SLC35F4: variants seen among roughly 807,000 people sequenced by gnomAD.
The protein encoded by SLC35F4 is solute carrier family 35 member F4.
In SLC35F4, 24 loss-of-function variants were observed where a neutral mutation model predicts 44.2. The ratio of observed to expected loss-of-function variants is 0.54; its 90% CI spans 0.39 to 0.76. SLC35F4 has a LOEUF of 0.76. Among genes scored for constraint, SLC35F4 ranks in the 30% least tolerant of loss-of-function variants. The pLI is 0.00. For missense variants in SLC35F4, 562 were observed against 586.1 expected (o/e 0.96, Z 0.42); for synonymous variants, 238 against 223.6 (o/e 1.06, Z -0.57).
intron 1 of SLC35F4, among the ~76,000 whole-genome samples, chr14:57,905,060 G>T (rs1889080790): frequency 6.6e-6 from 1 of 152,160 alleles, no homozygotes; most frequent in African/African-American, 2.4e-5. Flanking sequence ...AAAAATTTGG[G>T]CGTGTCTTTG....
chr14:57,728,413 A>G (rs1274233906), intron 1 of SLC35F4, among the ~76,000 whole-genome samples: 2 of 109,800 alleles, frequency 1.8e-5, no homozygotes, highest in Non-Finnish European at 3.9e-5. Context: ...TGTACCTTCC[A>G]TTGATTTTTC....
Position 57,758,000 on chromosome 14 carries a change from CATGT to C in SLC35F4, c.103+107719_103+107722del, listed in dbSNP as rs1213353110. 1.1e-3 allele frequency among the ~76,000 whole-genome samples: 109 copies of C among 96,006 alleles called. 1 individual carries two copies. Among genetic ancestry groups the C allele is most frequent in the African/African-American group, 3.7e-3 (99 of 26,722 alleles). The allele number at this position is 96,006 out of a possible 152,430, so 63.0% of individuals were successfully genotyped here. Reference sequence around the variant, plus strand: ...TTTTCTGGGTATAGGATTATAGGTTCATGTGTGTGTGTGTGTGTGTGTGTGTGTG... The same window carrying C: ...TTTTCTGGGTATAGGATTATAGGTTCGTGTGTGTGTGTGTGTGTGTGTGTG... On this transcript the variant is annotated intron_variant, in intron 1 of 7. Transcript: ENST00000556826.
At chr14:57,795,812 T>C (rs967911901) in intron 1 of SLC35F4, among the ~76,000 whole-genome samples, 15 of 152,138 alleles carry the variant, frequency 9.9e-5, no homozygotes, top group Admixed American at 9.8e-4. Context: ...CCAACCTTTA[T>C]ATTAGGTTTG....
intron 1 of SLC35F4, among the ~76,000 whole-genome samples, chr14:57,835,533 A>G (rs1884830224): frequency 6.6e-6 from 1 of 152,190 alleles, no homozygotes; most frequent in African/African-American, 2.4e-5. Context: ...TCTCATTGTC[A>G]GCAGAACAAT....
intron 1 of SLC35F4, among the ~76,000 whole-genome samples, chr14:57,773,025 T>A (rs948478428): frequency 6.6e-6 from 1 of 152,228 alleles, no homozygotes; most frequent in Admixed American, 6.5e-5. Context: ...CTGTTGTTTT[T>A]TTTGACATTT....
intron 1 of SLC35F4, among the ~76,000 whole-genome samples, chr14:57,915,068 C>T (rs780540727): frequency 6.6e-6 from 1 of 152,068 alleles, no homozygotes; most frequent in Non-Finnish European, 1.5e-5. Flanking sequence ...CACATAGATG[C>T]TGCCAAGGCT....
intron 1 of SLC35F4, among the ~76,000 whole-genome samples, chr14:57,809,169 C>A (rs1881687518): frequency 6.6e-6 from 1 of 152,166 alleles, no homozygotes; most frequent in Non-Finnish European, 1.5e-5. Flanking sequence ...TTCAGTTTCA[C>A]CTAAGCAATA....
rs565588777 is a variant in SLC35F4, at chr14:57,759,889, T to TG, written c.103+105833_103+105834insC. 1.5e-4 allele frequency among the ~76,000 whole-genome samples: 23 copies of TG among 152,026 alleles called. No individual in the cohort carries two copies. The South Asian group carries it at 4.6e-3, about 30-fold the overall frequency. On this transcript the variant is annotated intron_variant, in intron 1 of 7. Coordinates refer to ENST00000556826, the MANE Select transcript of SLC35F4 (RefSeq NM_001306087.2). ...TGCTCTTTCTTTGCTTGTTTTTTTT[T>TG]TTTGTTTGCTTTTTGCTATCGAGTT...
intron 1 of SLC35F4, among the ~76,000 whole-genome samples, chr14:57,856,704 T>G (rs1887136036): frequency 6.6e-6 from 1 of 152,048 alleles, no homozygotes; most frequent in Admixed American, 6.5e-5. Context: ...TACTTATTTG[T>G]TACTGTTTAC....
intron 1 of SLC35F4, among the ~76,000 whole-genome samples, chr14:57,937,063 G>GTTT (rs1214246255): frequency 9.7e-5 from 4 of 41,354 alleles, no homozygotes; most frequent in Non-Finnish European, 1.8e-4. Flanking sequence ...TATTTTACCT[G>GTTT]CTTTTTTTTT....
intron 1 of SLC35F4, among the ~76,000 whole-genome samples, chr14:57,619,817 A>C (rs954986435): frequency 2.0e-5 from 3 of 152,140 alleles, no homozygotes; most frequent in Non-Finnish European, 2.9e-5. Flanking sequence ...CAAATTGCTA[A>C]GTAGAATAAC....
At chr14:57,670,986 C>T (rs901640214) in intron 1 of SLC35F4, among the ~76,000 whole-genome samples, 1 of 146,122 alleles carries the variant, frequency 6.8e-6, no homozygotes, top group Non-Finnish European at 1.5e-5. Flanking sequence ...CTCACTGCAA[C>T]CTCCGCCTCC....
At chr14:57,701,471 T>C (rs963699934) in intron 1 of SLC35F4, among the ~76,000 whole-genome samples, 2 of 152,058 alleles carry the variant, frequency 1.3e-5, no homozygotes, top group African/African-American at 4.8e-5. Context: ...TCATTTATTA[T>C]CATTATCAAG....
intron 1 of SLC35F4, among the ~76,000 whole-genome samples, chr14:57,806,788 A>G (rs750030570): frequency 6.6e-6 from 1 of 152,234 alleles, no homozygotes; most frequent in African/African-American, 2.4e-5. Flanking sequence ...ATGGTTTTTT[A>G]AAATCAAAAT....
At chr14:57,899,014 T>C (rs1455578201) in intron 1 of SLC35F4, among the ~76,000 whole-genome samples, 3 of 152,100 alleles carry the variant, frequency 2.0e-5, no homozygotes, top group Admixed American at 2.0e-4. Flanking sequence ...TCAAAATTCC[T>C]AAGTCAGGCA....
At chr14:57,634,666 AT>A (rs929152917) in intron 1 of SLC35F4, among the ~76,000 whole-genome samples, 14 of 152,068 alleles carry the variant, frequency 9.2e-5, no homozygotes, top group African/African-American at 3.1e-4. Flanking sequence ...TGAGATTTGG[AT>A]TTTTTTTCCC....
Position 57,759,892 on chromosome 14 carries a change from T to G in SLC35F4, c.103+105831A>C, listed in dbSNP as rs184075186. ...TCTTTCTTTGCTTGTTTTTTTTTTT[T>G]GTTTGCTTTTTGCTATCGAGTTTAA... On this transcript the variant is annotated intron_variant, in intron 1 of 7. Transcript: ENST00000556826. Among the ~76,000 whole-genome samples, 801 of 151,196 alleles carry G rather than the reference T, an allele frequency of 5.3e-3. 8 individuals are homozygous for G. Among genetic ancestry groups the G allele is most frequent in the Non-Finnish European group, 7.3e-3 (493 of 67,892 alleles).
chr14:57,930,154 C>T (rs1889668340), intron 1 of SLC35F4, among the ~76,000 whole-genome samples: 2 of 152,194 alleles, frequency 1.3e-5, no homozygotes, highest in Non-Finnish European at 2.9e-5. Context: ...CAAAGAGATT[C>T]TGGAGGAGCC....
At position 57,638,933 on chromosome 14, in the gene SLC35F4, CCAAGTGTTCATTCTTT is replaced by C. The variant is rs1270180677; in HGVS notation, c.104-44825_104-44810del. Among the ~76,000 whole-genome samples, 61 of 152,154 alleles carry C rather than the reference CCAAGTGTTCATTCTTT, an allele frequency of 4.0e-4. 2 individuals are homozygous for C. Among genetic ancestry groups the C allele is most frequent in the Admixed American group, 4.6e-4 (7 of 15,258 alleles). On this transcript the variant is annotated intron_variant, in intron 1 of 7. Coordinates refer to ENST00000556826, the MANE Select transcript of SLC35F4 (RefSeq NM_001306087.2). ...CACATACATGCAAAATGGAGAGAGA[CCAAGTGTTCATTCTTT>C]CAAGCCTTACCTGAAGTCAAACATC... is the stretch of plus-strand genomic sequence containing the variant.
Sources: gnomAD v4.1 joint callset for allele counts (sites outside exome capture counted in the v4.1 genomes callset) on GRCh38, gnomAD v4.1.1 for gene constraint, MANE v1.5 for transcripts, NCBI Gene and HGNC (gene_info 2026-07-23, HGNC 2026-07-21) for gene names.